CATSPERT: variants seen among roughly 807,000 people sequenced by gnomAD.
The protein encoded by CATSPERT is catsper channel auxiliary subunit tau.
At chr2:201,555,654 A>G in the CATSPERT span, 1 of 152,198 alleles carries the variant, frequency 6.6e-6, no homozygotes, top group Non-Finnish European at 1.5e-5. Context: ...CATCCATACT[A>G]TTCTTCATCA....
At chr2:201,544,840 T>A in the CATSPERT span, among the ~76,000 whole-genome samples, 62,718 of 126,592 alleles carry the variant, frequency 0.5, 15,864 homozygotes, top group Non-Finnish European at 0.56. Flanking sequence ...AAAAAAAAAA[T>A]ACAAAAATTA....
chr2:201,522,966 C>T, the CATSPERT span, among the ~76,000 whole-genome samples: 1 of 152,192 alleles, frequency 6.6e-6, no homozygotes, highest in Non-Finnish European at 1.5e-5. Flanking sequence ...AGATGCCCAA[C>T]CGGGGTGTTT....
chr2:201,568,645 G>C, the CATSPERT span, among the ~76,000 whole-genome samples: 1 of 152,256 alleles, frequency 6.6e-6, no homozygotes, highest in South Asian at 2.1e-4. Context: ...CCAAATATGG[G>C]AGTTAAATGG....
the CATSPERT span, among the ~76,000 whole-genome samples, chr2:201,524,250 C>T: frequency 6.6e-6 from 1 of 152,034 alleles, no homozygotes; most frequent in Non-Finnish European, 1.5e-5. Flanking sequence ...ACAAATGAAA[C>T]CCCATCAGGC....
At chr2:201,539,560 GT>G in the CATSPERT span, among the ~76,000 whole-genome samples, 4 of 113,500 alleles carry the variant, frequency 3.5e-5, no homozygotes, top group South Asian at 3.0e-4. Context: ...TAACGAGGTT[GT>G]TTTTTTTTTG....
chr2:201,585,983 T>C, the CATSPERT span, among the ~76,000 whole-genome samples: 2 of 152,108 alleles, frequency 1.3e-5, no homozygotes, highest in Admixed American at 1.3e-4. Flanking sequence ...CCGCCACCCT[T>C]GAGACAGCAA....
the CATSPERT span, chr2:201,535,460 A>T: frequency 1.1e-6 from 1 of 947,178 alleles, no homozygotes. Flanking sequence ...TTTAAACTAT[A>T]AAATTATTTG....
At chr2:201,563,590 T>C in the CATSPERT span, among the ~76,000 whole-genome samples, 36 of 152,326 alleles carry the variant, frequency 2.4e-4, no homozygotes, top group African/African-American at 7.7e-4. Context: ...CTTATAAAAA[T>C]CAGTCAACTC....
chr2:201,510,804 G>A, the CATSPERT span, among the ~76,000 whole-genome samples: 1 of 152,074 alleles, frequency 6.6e-6, no homozygotes. Flanking sequence ...ATAACCTAAG[G>A]ACCTTCTAAA....
the CATSPERT span, among the ~76,000 whole-genome samples, chr2:201,617,716 G>A: frequency 6.6e-6 from 1 of 152,074 alleles, no homozygotes; most frequent in African/African-American, 2.4e-5. Context: ...ATGGGATCTA[G>A]TTAAACTAAA....
the CATSPERT span, among the ~76,000 whole-genome samples, chr2:201,616,166 C>G: frequency 1.3e-5 from 2 of 152,140 alleles, no homozygotes; most frequent in African/African-American, 4.8e-5. Context: ...GAAACTATTC[C>G]AATCAATAGA....
chr2:201,610,207 C>T, the CATSPERT span, among the ~76,000 whole-genome samples: 4 of 152,174 alleles, frequency 2.6e-5, no homozygotes, highest in African/African-American at 9.7e-5. Context: ...GTAATCCCAG[C>T]ACTTCGGGAG....
At chr2:201,576,663 G>A in the CATSPERT span, among the ~76,000 whole-genome samples, 7 of 152,188 alleles carry the variant, frequency 4.6e-5, no homozygotes, top group Non-Finnish European at 1.0e-4. Flanking sequence ...TTGAGCCTGT[G>A]TGCCCACGGC....
chr2:201,539,016 A>T, the CATSPERT span, among the ~76,000 whole-genome samples: 1 of 152,196 alleles, frequency 6.6e-6, no homozygotes, highest in African/African-American at 2.4e-5. Context: ...TTATGGCTGC[A>T]TAGTATTCTA....
At chr2:201,496,053 G>A in the CATSPERT span, 1 of 929,346 alleles carries the variant, frequency 1.1e-6, no homozygotes, top group Non-Finnish European at 1.6e-6. Context: ...AGTTATTAGA[G>A]ATATAAAATT....
At chr2:201,510,016 C>T in the CATSPERT span, among the ~76,000 whole-genome samples, 1 of 150,870 alleles carries the variant, frequency 6.6e-6, no homozygotes, top group South Asian at 2.1e-4. Context: ...AATACAGTGG[C>T]TCATTTAACT....
At chr2:201,608,469 T>G in the CATSPERT span, among the ~76,000 whole-genome samples, 1 of 152,056 alleles carries the variant, frequency 6.6e-6, no homozygotes, top group Non-Finnish European at 1.5e-5. Context: ...ATGCATGTTT[T>G]TAAAAAAATC....
chr2:201,593,032 T>C, the CATSPERT span, among the ~76,000 whole-genome samples: 13 of 152,190 alleles, frequency 8.5e-5, no homozygotes, highest in East Asian at 2.5e-3. Context: ...AGCTTTTGAA[T>C]GTGTTTGCTC....
the CATSPERT span, among the ~76,000 whole-genome samples, chr2:201,574,533 C>T: frequency 6.6e-6 from 1 of 152,098 alleles, no homozygotes; most frequent in Non-Finnish European, 1.5e-5. Flanking sequence ...CTAATTGTTA[C>T]TGGGATTACA....
Sources: allele counts gnomAD v4.1 joint callset (sites outside exome capture counted in the v4.1 genomes callset), GRCh38; gene constraint gnomAD v4.1.1; transcripts MANE v1.5; gene names NCBI Gene and HGNC (gene_info 2026-07-23, HGNC 2026-07-21).